MDN1: variants seen among roughly 807,000 people sequenced by gnomAD.
The protein encoded by MDN1 is midasin.
MDN1 carries 266 observed loss-of-function variants against 669.2 expected under a neutral mutation model. The ratio of observed to expected loss-of-function variants is 0.40; its 90% CI spans 0.36 to 0.44. The LOEUF (loss-of-function observed/expected upper bound fraction) is 0.44. Among genes scored for constraint, MDN1 ranks in the 20% least tolerant of loss-of-function variants. MDN1 has a pLI of 1.00. For synonymous variants in MDN1, 2,385 were observed against 2,457.1 expected (o/e 0.97, Z 0.87); for missense variants, 5,940 against 6,754.0 (o/e 0.88, Z 4.22).
intron 31 of MDN1, among the ~76,000 whole-genome samples, chr6:89,742,056 G>A (rs936424517): frequency 6.6e-5 from 10 of 152,002 alleles, no homozygotes; most frequent in Non-Finnish European, 1.2e-4. Context: ...GGCCAAGATC[G>A]CATCGCTGCA....
chr6:89,818,774 A>T (rs1242443447), intron 1 of MDN1, among the ~76,000 whole-genome samples: 1 of 150,784 alleles, frequency 6.6e-6, no homozygotes, highest in African/African-American at 2.4e-5. Flanking sequence ...GCGCCACTGC[A>T]CTCCAGCCTG....
chr6:89,799,409 G>A (rs1438030572), intron 2 of MDN1, among the ~76,000 whole-genome samples: 1 of 152,264 alleles, frequency 6.6e-6, no homozygotes, highest in Non-Finnish European at 1.5e-5. Flanking sequence ...GTTGGGCCGG[G>A]CGCAGTGGCT....
intron 29 of MDN1, among the ~76,000 whole-genome samples, chr6:89,744,107 A>G (rs1204992147): frequency 9.5e-5 from 13 of 136,214 alleles, no homozygotes; most frequent in Non-Finnish European, 1.6e-4. Context: ...CCTTCTTAAA[A>G]AAAAAAAAAA....
intron 20 of MDN1, among the ~76,000 whole-genome samples, chr6:89,754,635 T>C (rs1817139073): frequency 6.6e-6 from 1 of 152,196 alleles, no homozygotes; most frequent in South Asian, 2.1e-4. Flanking sequence ...GCTACGAATA[T>C]GGCTATAATT....
intron 57 of MDN1, 68 bp downstream of exon 57, chr6:89,699,995 G>T (rs1813034451): frequency 7.1e-7 from 1 of 1,415,028 alleles, no homozygotes; most frequent in Non-Finnish European, 9.9e-7. Context: ...TTGTTTATGG[G>T]TATAGGATAC....
chr6:89,702,928 G>C (rs1004969425), intron 53 of MDN1, among the ~76,000 whole-genome samples: 2 of 140,878 alleles, frequency 1.4e-5, no homozygotes, highest in Admixed American at 1.6e-4. Context: ...GTGAGGTAGG[G>C]GTAAAGGCCC....
At chr6:89,660,692 TCTTA>T (rs1229521193) in intron 88 of MDN1, among the ~76,000 whole-genome samples, 1 of 152,162 alleles carries the variant, frequency 6.6e-6, no homozygotes, top group East Asian at 1.9e-4. Context: ...AAATGGCACC[TCTTA>T]TTTATTCCTT....
intron 46 of MDN1, 49 bp downstream of exon 46, chr6:89,714,494 T>C: frequency 7.0e-7 from 1 of 1,433,120 alleles, no homozygotes; most frequent in Non-Finnish European, 9.5e-7. Context: ...ATGACATAAA[T>C]TTCTTGAAGA....
At chr6:89,816,776 G>A (rs965849964) in intron 1 of MDN1, among the ~76,000 whole-genome samples, 7 of 149,594 alleles carry the variant, frequency 4.7e-5, no homozygotes, top group African/African-American at 1.5e-4. Context: ...CCGGGTTCAC[G>A]CCATTCTCCT....
intron 84 of MDN1, 93 bp from the exon 85 acceptor site, chr6:89,664,721 A>T: frequency 1.0e-6 from 1 of 1,003,468 alleles, no homozygotes; most frequent in Non-Finnish European, 1.4e-6. Context: ...TGGTGTAAAA[A>T]TATATCTGGG....
At position 89,715,725 on chromosome 6, in the gene MDN1, C is replaced by T; in HGVS notation, c.6788G>A (p.Gly2263Asp). The T allele has an allele frequency of 6.2e-7, 1 of 1,613,886 alleles. No homozygotes were observed. Among genetic ancestry groups the T allele is most frequent in the Non-Finnish European group, 8.5e-7 (1 of 1,179,798 alleles). ...DRLNALLEPGGVLTISERGMI... is the reference protein window; with the variant it reads ...DRLNALLEPGDVLTISERGMI... Reference sequence around the variant, plus strand: ...TCCTCTCTCACTAATAGTGAGGACACCTCCGGGTTCAAGCAAAGCATTCAA... The same window carrying T: ...TCCTCTCTCACTAATAGTGAGGACATCTCCGGGTTCAAGCAAAGCATTCAA... Residue 2263 changes from glycine to aspartate, a missense_variant, in exon 45 of 102, where the codon GGT becomes GAT. By Grantham distance (94) the Gly-to-Asp change is moderately conservative. Transcript: ENST00000369393.
At chr6:89,677,530 A>AT in intron 76 of MDN1, 40 bp downstream of exon 76, 1 of 1,610,880 alleles carries the variant, frequency 6.2e-7, no homozygotes, top group Non-Finnish European at 8.5e-7. Flanking sequence ...TACTTGCTCC[A>AT]TTTATAAGTA....
chr6:89,819,560 G>A lies in MDN1; in HGVS notation c.48C>T (p.Ile16=), dbSNP rs115892745. ...TGCGGCTCTTCTCGTTCTTGGCTGC[G>A]ATTAACCGCAGCGGCGCGGCTGCCA... ...LEVAAAPLRL[I]AAKNEKSRSE... is the part of the protein sequence containing the mutation. Residue 16 remains isoleucine (I), a synonymous_variant, in exon 1 of 102, where the codon ATC becomes ATT. Transcript: ENST00000369393. The A allele has an allele frequency of 8.1e-6, 13 of 1,604,388 alleles. No individual in the cohort carries two copies. Among genetic ancestry groups the A allele is most frequent in the Middle Eastern group, 1.6e-4 (1 of 6,062 alleles).
chr6:89,798,464 T>C (rs985984092), intron 2 of MDN1, among the ~76,000 whole-genome samples: 21 of 151,438 alleles, frequency 1.4e-4, no homozygotes, highest in Middle Eastern at 6.9e-3. Flanking sequence ...ATTGCACCAC[T>C]GCATTCCGGC....
intron 22 of MDN1, 40 bp downstream of exon 22, chr6:89,753,472 C>A: frequency 6.8e-7 from 1 of 1,465,434 alleles, no homozygotes; most frequent in Non-Finnish European, 9.4e-7. Context: ...GTAATTCAGC[C>A]TTTCAAGTGT....
At chr6:89,700,533 C>A (rs1584222856) in intron 56 of MDN1, 113 bp downstream of exon 56, 2 of 1,014,152 alleles carry the variant, frequency 2.0e-6, no homozygotes, top group East Asian at 2.5e-5. Flanking sequence ...GGTATATAAA[C>A]TCTACCCCTC....
intron 73 of MDN1, among the ~76,000 whole-genome samples, chr6:89,681,458 G>A (rs954430073): frequency 3.9e-5 from 6 of 152,170 alleles, no homozygotes; most frequent in Non-Finnish European, 7.3e-5. Flanking sequence ...ACAGGCATGA[G>A]CCACCGCACC....
chr6:89,644,688 A>G (rs1031364113), intron 101 of MDN1, among the ~76,000 whole-genome samples: 4 of 152,222 alleles, frequency 2.6e-5, no homozygotes, highest in Admixed American at 6.5e-5. Context: ...CAAGGCTGCA[A>G]TACCTGCACT....
At chr6:89,648,196 A>T in intron 98 of MDN1, 50 bp from the exon 99 acceptor site, 2 of 1,607,882 alleles carry the variant, frequency 1.2e-6, no homozygotes, top group Non-Finnish European at 1.7e-6. Flanking sequence ...TGGCTGTGTG[A>T]TCAAAATAAC....
Sources: allele counts gnomAD v4.1 joint callset (sites outside exome capture counted in the v4.1 genomes callset), GRCh38; gene constraint gnomAD v4.1.1; transcripts MANE v1.5; gene names NCBI Gene and HGNC (gene_info 2026-07-23, HGNC 2026-07-21).